RIN2: variants seen among roughly 807,000 people sequenced by gnomAD.
The protein encoded by RIN2 is RAB5 interacting protein 2.
In RIN2, 36 loss-of-function variants were observed where a neutral mutation model predicts 78.0. That is an observed-to-expected ratio of 0.46 (90% confidence interval 0.35 to 0.61). RIN2 has a LOEUF of 0.61. Among genes scored for constraint, RIN2 ranks in the 20% least tolerant of loss-of-function variants. The pLI is 0.00. For missense variants in RIN2, 1,087 were observed against 1,159.7 expected (o/e 0.94, Z 0.91); for synonymous variants, 466 against 466.8 (o/e 1.00, Z 0.02).
At chr20:19,936,119 G>A (rs905225793) in intron 4 of RIN2, among the ~76,000 whole-genome samples, 1 of 152,198 alleles carries the variant, frequency 6.6e-6, no homozygotes, top group Non-Finnish European at 1.5e-5. Flanking sequence ...AACATCCCAG[G>A]GAGGCACTTG....
rs2033812049 is a variant in RIN2 at position 19,764,920 on chromosome 20, T to TTTTTTTTTTTTG, written c.-163+6604_-163+6605insGTTTTTTTTTTT. Among the ~76,000 whole-genome samples the TTTTTTTTTTTTG allele has an allele frequency of 2.5e-5, 2 of 78,750 alleles. 1 individual carries two copies. The highest frequency in any genetic ancestry group is 9.8e-4 in the South Asian group (2 of 2,040). 51.7% of individuals were successfully genotyped at this position (78,750 alleles called of 152,430 possible). A position where few individuals can be genotyped will look rare whatever the true frequency, so the allele number is the denominator to read the frequency against. On this transcript the variant is annotated intron_variant, in intron 1 of 12. Transcript: ENST00000255006. ...GCAAGTCCCACTTCACTTTCTGCGT[T>TTTTTTTTTTTTG]TTTTTTTTTTTTTTTTTTTTTTTGA...
rs1568614964 is a variant in RIN2 at position 19,924,179 on chromosome 20, A to ACCTTCATACCCCCACCTTCATACCCC, written c.58-10919_58-10918insCTTCATACCCCCACCTTCATACCCCC. ...TCTTTATACCCCCACCTTCATACCC[A>ACCTTCATACCCCCACCTTCATACCCC]CACCTTCATACCCCACCTTCATACC... On this transcript the variant is annotated intron_variant, in intron 3 of 12. Transcript: ENST00000255006. 2.5e-4 allele frequency among the ~76,000 whole-genome samples: 8 copies of ACCTTCATACCCCCACCTTCATACCCC among 31,942 alleles called. 2 individuals carry two copies. The highest frequency in any genetic ancestry group is 9.1e-4 in the Admixed American group (2 of 2,198). 21.0% of individuals were successfully genotyped at this position (31,942 alleles called of 152,430 possible). A position where few individuals can be genotyped will look rare whatever the true frequency, so the allele number is the denominator to read the frequency against.
chr20:19,858,270 G>C (rs901436829), intron 2 of RIN2, among the ~76,000 whole-genome samples: 2 of 152,138 alleles, frequency 1.3e-5, no homozygotes, highest in Non-Finnish European at 1.5e-5. Flanking sequence ...ATAGGAATCA[G>C]GTCAGGCTAC....
At chr20:19,952,206 T>C (rs1233758164) in intron 4 of RIN2, among the ~76,000 whole-genome samples, 1 of 152,148 alleles carries the variant, frequency 6.6e-6, no homozygotes, top group African/African-American at 2.4e-5. Flanking sequence ...AGAAAGTACA[T>C]ATCAGTATGT....
Position 19,996,834 on chromosome 20 carries a change from G to T in RIN2, c.2356G>T (p.Asp786Tyr). 1.3e-6 allele frequency: 2 copies of T among 1,589,182 alleles called. No homozygotes were observed. Among genetic ancestry groups the T allele is most frequent in the Non-Finnish European group, 1.7e-6 (2 of 1,166,600 alleles). Residue 786 changes from aspartate (D) to tyrosine (Y), a missense_variant, in exon 12 of 13, where the codon GAC becomes TAC. By Grantham distance (160) the Asp-to-Tyr change is radical. Transcript: ENST00000255006. ...TTNRTIPSVD[D>Y]FQNYLRVAFQ... ...CAACCGGACCATCCCCTCTGTGGAC[G>T]ACTTCCAGGTGTGCAGCTGGCCACC... is the stretch of plus-strand genomic sequence containing the variant.
intron 9 of RIN2, among the ~76,000 whole-genome samples, chr20:19,986,751 G>A (rs1346686717): frequency 6.6e-6 from 1 of 152,210 alleles, no homozygotes; most frequent in East Asian, 1.9e-4. Flanking sequence ...TGGGGTTCAA[G>A]GTGAAAATCT....
At chr20:19,832,985 T>C (rs753811796) in intron 2 of RIN2, among the ~76,000 whole-genome samples, 15 of 152,142 alleles carry the variant, frequency 9.9e-5, no homozygotes, top group Non-Finnish European at 1.9e-4. Flanking sequence ...GCCCCTATGC[T>C]CCAGAGCCTA....
intron 4 of RIN2, among the ~76,000 whole-genome samples, chr20:19,937,194 T>A (rs943330954): frequency 6.6e-6 from 1 of 152,200 alleles, no homozygotes; most frequent in Non-Finnish European, 1.5e-5. Context: ...GGAGGGCCAG[T>A]TCAGTTATTT....
chr20:19,964,576 A>AG (rs1330169958), intron 6 of RIN2, among the ~76,000 whole-genome samples: 2 of 152,050 alleles, frequency 1.3e-5, no homozygotes, highest in Non-Finnish European at 2.9e-5. Context: ...CAAGGGATCG[A>AG]GGGGAGTAGG....
intron 3 of RIN2, 119 bp downstream of exon 3, chr20:19,889,777 G>A (rs1246695721): frequency 1.4e-6 from 1 of 706,812 alleles, no homozygotes. Context: ...CCGGCTAAGG[G>A]AGCTTGCCCG....
chr20:19,798,798 GC>G (rs1343447771), intron 1 of RIN2, among the ~76,000 whole-genome samples: 4 of 152,138 alleles, frequency 2.6e-5, no homozygotes, highest in African/African-American at 9.7e-5. Context: ...TCTAATATTT[GC>G]GTTTTCAAGC....
intron 2 of RIN2, among the ~76,000 whole-genome samples, chr20:19,835,047 AAGAC>A (rs1303982350): frequency 2.2e-4 from 33 of 151,900 alleles, no homozygotes; most frequent in East Asian, 2.1e-3. Flanking sequence ...GAGAAAGAAA[AAGAC>A]AGAAAGAAAG....
At chr20:19,771,621 G>A (rs1330295198) in intron 1 of RIN2, among the ~76,000 whole-genome samples, 4 of 152,124 alleles carry the variant, frequency 2.6e-5, no homozygotes, top group Non-Finnish European at 2.9e-5. Flanking sequence ...ACACCTCTTC[G>A]GATCCATCTT....
chr20:19,793,200 C>T (rs373400903), intron 1 of RIN2, among the ~76,000 whole-genome samples: 9 of 151,956 alleles, frequency 5.9e-5, no homozygotes, highest in Admixed American at 3.3e-4. Context: ...AATAAGATAT[C>T]GTATTTAATT....
intron 2 of RIN2, among the ~76,000 whole-genome samples, chr20:19,824,778 A>G (rs1486803819): frequency 6.6e-6 from 1 of 152,168 alleles, no homozygotes; most frequent in African/African-American, 2.4e-5. Context: ...AATGAACTGA[A>G]GACATTAGTT....
chr20:19,942,859 C>T (rs2040937029), intron 4 of RIN2, among the ~76,000 whole-genome samples: 1 of 152,136 alleles, frequency 6.6e-6, no homozygotes, highest in Non-Finnish European at 1.5e-5. Flanking sequence ...TTGACCTTGG[C>T]CACACAATGT....
chr20:19,808,090 T>C (rs2035464545), intron 2 of RIN2, among the ~76,000 whole-genome samples: 1 of 152,272 alleles, frequency 6.6e-6, no homozygotes, highest in Non-Finnish European at 1.5e-5. Context: ...TACTGTGTCC[T>C]TGCATTGGCT....
At chr20:19,798,080 TGA>T (rs2035119090) in intron 1 of RIN2, among the ~76,000 whole-genome samples, 2 of 151,934 alleles carry the variant, frequency 1.3e-5, no homozygotes, top group Non-Finnish European at 2.9e-5. Context: ...CTTGATCTCC[TGA>T]CCTCGTGATC....
chr20:19,985,053 G>A (rs1156551674), intron 9 of RIN2, among the ~76,000 whole-genome samples: 1 of 152,200 alleles, frequency 6.6e-6, no homozygotes, highest in African/African-American at 2.4e-5. Context: ...GGCTCCCAGG[G>A]CTCTTTCTAA....
Sources: gnomAD v4.1 joint callset for allele counts (sites outside exome capture counted in the v4.1 genomes callset) on GRCh38, gnomAD v4.1.1 for gene constraint, MANE v1.5 for transcripts, NCBI Gene and HGNC (gene_info 2026-07-23, HGNC 2026-07-21) for gene names.